VTI1A: variants seen among roughly 807,000 people sequenced by gnomAD.
VTI1A encodes the protein vesicle transport through interaction with t-SNAREs 1A.
Under a neutral mutation model 34.9 loss-of-function variants are expected in VTI1A, and 22 were observed. The ratio of observed to expected loss-of-function variants is 0.63; its 90% CI spans 0.45 to 0.90. The LOEUF is 0.90. Ranked by LOEUF, VTI1A falls within the 40% of genes least tolerant of loss-of-function variation. VTI1A has a pLI of 0.00. For synonymous variants in VTI1A, 87 were observed against 97.3 expected (o/e 0.89, Z 0.62); for missense variants, 268 against 275.6 (o/e 0.97, Z 0.20).
rs1010607657 is a variant in VTI1A at position 112,615,807 on chromosome 10, A to T, written c.428-52411A>T. On this transcript the variant is annotated intron_variant, in intron 5 of 7. Coordinates refer to ENST00000393077, the MANE Select transcript of VTI1A (RefSeq NM_145206.4). Reference sequence around the variant, plus strand: ...TGGGAATAGCCCACTAAGCAGAAGAAAGAGCCAAAGCAAAGGCCCTAGGAC... The same window carrying T: ...TGGGAATAGCCCACTAAGCAGAAGATAGAGCCAAAGCAAAGGCCCTAGGAC... 4.5e-4 allele frequency among the ~76,000 whole-genome samples: 69 copies of T among 152,290 alleles called. 1 individual carries two copies. Among genetic ancestry groups the T allele is most frequent in the African/African-American group, 1.7e-3 (69 of 41,548 alleles).
At chr10:112,474,591 G>A (rs1353494529) in intron 3 of VTI1A, among the ~76,000 whole-genome samples, 2 of 151,716 alleles carry the variant, frequency 1.3e-5, no homozygotes, top group African/African-American at 4.8e-5. Context: ...GAGTAGGTGG[G>A]ACTATTGGTG....
chr10:112,524,214 G>A (rs760826561), intron 3 of VTI1A, among the ~76,000 whole-genome samples: 3 of 151,954 alleles, frequency 2.0e-5, no homozygotes, highest in Non-Finnish European at 4.4e-5. Context: ...ATTTTAAGTC[G>A]TGAAAAATTA....
chr10:112,545,180 A>T (rs1851031691), intron 5 of VTI1A, among the ~76,000 whole-genome samples: 2 of 152,250 alleles, frequency 1.3e-5, no homozygotes, highest in African/African-American at 4.8e-5. Context: ...TTTGGAACAA[A>T]GAGCTTGAAA....
At chr10:112,846,562 C>G in the VTI1A span, among the ~76,000 whole-genome samples, 1 of 152,024 alleles carries the variant, frequency 6.6e-6, no homozygotes, top group Non-Finnish European at 1.5e-5. Context: ...GTCAGGAGAT[C>G]AAGACCATCC....
At chr10:112,724,251 A>G (rs535019681) in intron 7 of VTI1A, among the ~76,000 whole-genome samples, 1 of 152,326 alleles carries the variant, frequency 6.6e-6, no homozygotes, top group Non-Finnish European at 1.5e-5. Context: ...TGCATTAATA[A>G]CATATAAGAG....
chr10:112,618,564 A>T (rs1299343788), intron 5 of VTI1A, among the ~76,000 whole-genome samples: 1 of 105,850 alleles, frequency 9.4e-6, no homozygotes, highest in Non-Finnish European at 1.9e-5. Context: ...GTCAAAAGGT[A>T]ATATCAACGG....
In VTI1A at chr10:112,657,829, G is replaced by A. The variant is rs543382039; in HGVS notation, c.428-10389G>A. Among the ~76,000 whole-genome samples, 575 of 152,044 alleles carry A rather than the reference G, an allele frequency of 3.8e-3. 4 individuals are homozygous for A. Among genetic ancestry groups the A allele is most frequent in the African/African-American group, 0.012 (481 of 41,436 alleles). ...TGTGTGTGTGTGTGTGTTTGTGTGT[G>A]TATATATATGCCTTAAAACAGAACA... is the stretch of plus-strand genomic sequence containing the variant. On this transcript the variant is annotated intron_variant, in intron 5 of 7. Transcript: ENST00000393077.
intron 7 of VTI1A, among the ~76,000 whole-genome samples, chr10:112,813,334 A>G (rs186981149): frequency 6.6e-6 from 1 of 152,386 alleles, no homozygotes; most frequent in East Asian, 1.9e-4. Flanking sequence ...CCCTCAACCC[A>G]CAAATAAAAT....
intron 7 of VTI1A, among the ~76,000 whole-genome samples, chr10:112,673,487 C>T (rs1442230599): frequency 6.6e-6 from 1 of 152,206 alleles, no homozygotes; most frequent in East Asian, 1.9e-4. Context: ...CACACACGCA[C>T]TCAGATTGTT....
At position 112,758,199 on chromosome 10, in the gene VTI1A, A is replaced by AG. The variant is rs1471302156; in HGVS notation, c.561-57085dup. Among the ~76,000 whole-genome samples, 3 of 152,130 alleles carry AG rather than the reference A, an allele frequency of 2.0e-5. 1 individual carries two copies. The highest frequency in any genetic ancestry group is 4.4e-5 in the Non-Finnish European group (3 of 68,026). Reference sequence around the variant, plus strand: ...GCATGAACAGGAAAGCTCATAGAGGAGGGGGGTCTTGCACAGGGTAGTAGA... The same window carrying AG: ...GCATGAACAGGAAAGCTCATAGAGGAGGGGGGGTCTTGCACAGGGTAGTAGA... On this transcript the variant is annotated intron_variant, in intron 7 of 7. Coordinates refer to ENST00000393077, the MANE Select transcript of VTI1A (RefSeq NM_145206.4).
chr10:112,533,313 T>G (rs904084725), intron 4 of VTI1A, among the ~76,000 whole-genome samples: 2 of 152,092 alleles, frequency 1.3e-5, no homozygotes, highest in Non-Finnish European at 2.9e-5. Context: ...TCTCTTTGTT[T>G]AATGTGACAG....
chr10:112,609,104 T>C (rs1164080679), intron 5 of VTI1A, among the ~76,000 whole-genome samples: 1 of 152,214 alleles, frequency 6.6e-6, no homozygotes, highest in Non-Finnish European at 1.5e-5. Context: ...AAAGATTTGG[T>C]GAATCTTATT....
Position 112,574,118 on chromosome 10 carries a change from G to C in VTI1A, c.427+35788G>C, listed in dbSNP as rs375383183. 4.8e-4 allele frequency among the ~76,000 whole-genome samples: 73 copies of C among 152,126 alleles called. 1 individual carries two copies. In the South Asian group the frequency reaches 0.015, roughly 30 times the overall value. ...GTATACTCAAAATCATTGCCTTCTA[G>C]ATATTTGGATTGCAAAAACAAGCAA... On this transcript the variant is annotated intron_variant, in intron 5 of 7. Transcript: ENST00000393077.
intron 5 of VTI1A, among the ~76,000 whole-genome samples, chr10:112,617,365 A>C (rs1433183874): frequency 6.6e-6 from 1 of 152,160 alleles, no homozygotes; most frequent in Non-Finnish European, 1.5e-5. Context: ...GATTTTTACT[A>C]AAGGGGTTTT....
intron 7 of VTI1A, among the ~76,000 whole-genome samples, chr10:112,682,457 T>C (rs1848249588): frequency 6.6e-6 from 1 of 152,210 alleles, no homozygotes; most frequent in Non-Finnish European, 1.5e-5. Context: ...TTTTTAGTAG[T>C]GGGCAACTAT....
rs1033275159 is a variant in VTI1A at position 112,757,253 on chromosome 10, GAGGAGTAACTA to G, written c.561-58036_561-58026del. 2.0e-5 allele frequency among the ~76,000 whole-genome samples: 3 copies of G among 150,978 alleles called. No individual in the cohort carries two copies. The South Asian group carries it at 6.3e-4, about 32-fold the overall frequency. On this transcript the variant is annotated intron_variant, in intron 7 of 7. Transcript: ENST00000393077. ...CTATGTGATGAGTGCTGGGAGGGAAGAGGAGTAACTATTCCACACACAACTTGCCCATTTTC... is the reference window on the plus strand; with the variant it reads ...CTATGTGATGAGTGCTGGGAGGGAAGTTCCACACACAACTTGCCCATTTTC...
intron 7 of VTI1A, among the ~76,000 whole-genome samples, chr10:112,704,213 C>T (rs548071916): frequency 6.6e-6 from 1 of 152,194 alleles, no homozygotes; most frequent in East Asian, 1.9e-4. Flanking sequence ...TGTCATTGAC[C>T]AGTTTAAATA....
At chr10:112,668,855 A>G (rs111454312) in intron 6 of VTI1A, 82 bp from the exon 7 acceptor site, 20 of 1,398,176 alleles carry the variant, frequency 1.4e-5, no homozygotes, top group African/African-American at 8.6e-5. Context: ...ATTTTCTATC[A>G]TGAAATAAAT....
intron 5 of VTI1A, among the ~76,000 whole-genome samples, chr10:112,602,761 G>T (rs1158792411): frequency 6.6e-6 from 1 of 152,206 alleles, no homozygotes; most frequent in Admixed American, 6.5e-5. Flanking sequence ...CAGTAAAACA[G>T]CAGAGTTCAA....
Sources: gnomAD v4.1 joint callset for allele counts (sites outside exome capture counted in the v4.1 genomes callset) on GRCh38, gnomAD v4.1.1 for gene constraint, MANE v1.5 for transcripts, NCBI Gene and HGNC (gene_info 2026-07-23, HGNC 2026-07-21) for gene names.